ATP13A3: variants seen among roughly 807,000 people sequenced by gnomAD.
ATP13A3 encodes the protein polyamine-transporting ATPase 13A3.
ATP13A3 carries 59 observed loss-of-function variants against 158.1 expected under a neutral mutation model. The ratio of observed to expected loss-of-function variants is 0.37; its 90% CI spans 0.30 to 0.46. ATP13A3 has a LOEUF of 0.46. Among genes scored for constraint, ATP13A3 ranks in the 20% least tolerant of loss-of-function variants. ATP13A3 has a pLI of 1.00. For synonymous variants in ATP13A3, 491 were observed against 504.3 expected (o/e 0.97, Z 0.35); for missense variants, 1,166 against 1,525.2 (o/e 0.76, Z 3.92).
chr3:194,481,174 T>A (rs1372415893), intron 2 of ATP13A3, among the ~76,000 whole-genome samples: 1 of 152,036 alleles, frequency 6.6e-6, no homozygotes, highest in South Asian at 2.1e-4. Flanking sequence ...CACTTGTCTT[T>A]TATATCAAAA....
At chr3:194,427,681 A>G (rs1054667590) in intron 28 of ATP13A3, among the ~76,000 whole-genome samples, 2 of 139,746 alleles carry the variant, frequency 1.4e-5, no homozygotes, top group East Asian at 2.1e-4. Flanking sequence ...AAATAAATAA[A>G]TAATTTTAAA....
Position 194,474,449 on chromosome 3 carries a change from G to A in ATP13A3, c.-47+11345C>T, listed in dbSNP as rs59589326. ...AAATAGGAGTATGTTAAAATAAGCA[G>A]AAAAGAAATCGTGTGGCATGGGCAC... On this transcript the variant is annotated intron_variant, in intron 2 of 33. Transcript: ENST00000645319. Among the ~76,000 whole-genome samples the A allele has an allele frequency of 2.1e-3, 324 of 152,234 alleles. 2 individuals carry two copies. The highest frequency in any genetic ancestry group is 7.4e-3 in the African/African-American group (307 of 41,548).
chr3:194,454,567 G>A (rs573992102), intron 8 of ATP13A3, among the ~76,000 whole-genome samples, 175 bp from the exon 9 acceptor site: 68 of 152,296 alleles, frequency 4.5e-4, no homozygotes, highest in East Asian at 1.5e-3. Context: ...GGTGGCTCAC[G>A]CCTGTAATCC....
chr3:194,461,909 A>C (rs1719691640), intron 3 of ATP13A3, among the ~76,000 whole-genome samples: 1 of 152,206 alleles, frequency 6.6e-6, no homozygotes, highest in Non-Finnish European at 1.5e-5. Context: ...CCAAATGCAA[A>C]AACATACTTC....
intron 31 of ATP13A3, among the ~76,000 whole-genome samples, chr3:194,418,744 G>C (rs570380793): frequency 6.6e-6 from 1 of 152,294 alleles, no homozygotes; most frequent in Admixed American, 6.5e-5. Flanking sequence ...TAGCTGAAGA[G>C]TACATGCTCA....
intron 2 of ATP13A3, among the ~76,000 whole-genome samples, chr3:194,475,565 T>C (rs1034533757): frequency 2.0e-5 from 3 of 151,730 alleles, no homozygotes; most frequent in African/African-American, 7.3e-5. Context: ...GCCGTAACAT[T>C]TACATTCAAC....
At chr3:194,475,758 T>C (rs1247558198) in intron 2 of ATP13A3, among the ~76,000 whole-genome samples, 4 of 151,908 alleles carry the variant, frequency 2.6e-5, no homozygotes, top group Non-Finnish European at 5.9e-5. Context: ...CCACAATCAA[T>C]GTATTTAGGC....
intron 31 of ATP13A3, among the ~76,000 whole-genome samples, chr3:194,415,876 T>C (rs776948247): frequency 3.3e-5 from 5 of 152,096 alleles, no homozygotes; most frequent in Non-Finnish European, 7.3e-5. Flanking sequence ...GTCCCTGCAA[T>C]GGAATACTCA....
rs1350433335 is a variant in ATP13A3 at position 194,454,260 on chromosome 3, T to C, written c.763A>G (p.Lys255Glu). Residue 255 changes from lysine to glutamate, a missense_variant and splice_region_variant, in exon 9 of 34, where the codon AAG (lysine) becomes GAG (glutamate). Coordinates refer to ENST00000645319, the MANE Select transcript of ATP13A3 (RefSeq NM_001367549.1). ...ACCCATAATAAATTTGAACTTACCT[T>C]TCTAATGGAATATAGTGAGCTTACG... ...SIVSSLYSIRKQYVMLHDMVA... is the reference protein window; with the variant it reads ...SIVSSLYSIREQYVMLHDMVA... 6.3e-7 allele frequency: 1 copy of C among 1,599,322 alleles called. No individual in the cohort carries two copies. The highest frequency in any genetic ancestry group is 1.1e-5 in the South Asian group (1 of 90,214).
intron 2 of ATP13A3, among the ~76,000 whole-genome samples, chr3:194,468,455 A>T (rs1720133224): frequency 6.6e-6 from 1 of 152,076 alleles, no homozygotes; most frequent in Admixed American, 6.5e-5. Context: ...CACTACATTA[A>T]ATATGCCAAT....
intron 27 of ATP13A3, 83 bp downstream of exon 27, chr3:194,429,595 A>G (rs1717069869): frequency 9.7e-7 from 1 of 1,027,850 alleles, no homozygotes; most frequent in East Asian, 2.6e-5. Context: ...TAATGGATGC[A>G]TTCAAAATCA....
chr3:194,444,771 CAGTT>C lies in ATP13A3; in HGVS notation c.1509_1512del (p.Thr504LysfsTer4). 6.2e-7 allele frequency: 1 copy of C among 1,602,448 alleles called. No individual in the cohort carries two copies. Among genetic ancestry groups the C allele is most frequent in the Non-Finnish European group, 8.5e-7 (1 of 1,176,864 alleles). On this transcript the variant is annotated frameshift_variant, in exon 15 of 34. Transcript: ENST00000645319. LOFTEE classifies it high-confidence loss of function. Reference sequence around the variant, plus strand: ...ATCCCCCAAAGATCTAAACCATCTTCAGTTAGAGTTCCAGTCTAAAAAACAAAAA... The same window carrying C: ...ATCCCCCAAAGATCTAAACCATCTTCAGAGTTCCAGTCTAAAAAACAAAAA...
At chr3:194,451,534 T>C (rs1718807483) in intron 10 of ATP13A3, 1 of 152,176 alleles carries the variant, frequency 6.6e-6, no homozygotes, top group African/African-American at 2.4e-5. Flanking sequence ...GAGGCATCAA[T>C]AAGCTACACA....
chr3:194,492,849 T>C (rs1030083828), intron 2 of ATP13A3, among the ~76,000 whole-genome samples: 5 of 152,224 alleles, frequency 3.3e-5, no homozygotes, highest in South Asian at 2.1e-4. Flanking sequence ...TGTGTTGTTA[T>C]TGTATTTATC....
At chr3:194,463,124 C>G (rs917789337) in intron 2 of ATP13A3, among the ~76,000 whole-genome samples, 2 of 152,136 alleles carry the variant, frequency 1.3e-5, no homozygotes, top group Non-Finnish European at 2.9e-5. Context: ...AAATGGCAAT[C>G]CCTGGCCAAA....
intron 33 of ATP13A3, among the ~76,000 whole-genome samples, chr3:194,409,897 C>T (rs1471352671): frequency 1.3e-5 from 2 of 151,696 alleles, no homozygotes; most frequent in African/African-American, 4.8e-5. Flanking sequence ...AGTGAAGCAA[C>T]ACTACACAGA....
intron 14 of ATP13A3, among the ~76,000 whole-genome samples, chr3:194,446,412 C>T (rs549856425): frequency 9.2e-5 from 14 of 152,314 alleles, no homozygotes; most frequent in African/African-American, 3.1e-4. Flanking sequence ...AGTGTGAGTA[C>T]ACCCTGCGAT....
In ATP13A3 at chr3:194,405,625, C is replaced by G. The variant is rs1055346004; in HGVS notation, c.*294G>C. 3.0e-5 allele frequency: 9 copies of G among 299,598 alleles called. No homozygotes were observed. Among genetic ancestry groups the G allele is most frequent in the African/African-American group, 2.0e-4 (9 of 45,750 alleles). 18.6% of individuals were successfully genotyped at this position (299,598 alleles called of 1,614,324 possible). ...TACCAAACACCAAACTTCTCCTGTA[C>G]CCAATATAAAGAATATCACTGAAAG... On this transcript the variant is annotated 3_prime_UTR_variant, in exon 34 of 34. Coordinates refer to ENST00000645319, the MANE Select transcript of ATP13A3 (RefSeq NM_001367549.1).
At chr3:194,451,040 C>T (rs1157312914) in intron 10 of ATP13A3, 1 of 152,118 alleles carries the variant, frequency 6.6e-6, no homozygotes, top group Non-Finnish European at 1.5e-5. Context: ...TAACACCCTC[C>T]CTCTCCCTGT....
Sources: allele counts gnomAD v4.1 joint callset (sites outside exome capture counted in the v4.1 genomes callset), GRCh38; gene constraint gnomAD v4.1.1; transcripts MANE v1.5; gene names NCBI Gene and HGNC (gene_info 2026-07-23, HGNC 2026-07-21).